The following PCDH11X variants were observed in gnomAD, a reference collection of about 807,000 sequenced individuals.
PCDH11X encodes the protein protocadherin-11 X-linked.
Under a neutral mutation model 53.3 loss-of-function variants are expected in PCDH11X, and 18 were observed. The observed-to-expected ratio is 0.34, with a 90% CI of 0.23 to 0.50. The LOEUF (loss-of-function observed/expected upper bound fraction) is 0.50, where lower values mean the gene tolerates loss of function less well. Ranked by LOEUF, PCDH11X falls within the 20% of genes least tolerant of loss-of-function variation. The pLI, the probability that PCDH11X is intolerant of heterozygous loss-of-function variation, is 0.98. For missense variants in PCDH11X, 570 were observed against 1,032.4 expected (o/e 0.55, Z 6.14); for synonymous variants, 279 against 393.3 (o/e 0.71, Z 3.44).
At chrX:92,247,261 G>A (rs2067368728) in intron 7 of PCDH11X, among the ~76,000 whole-genome samples, 1 of 111,552 alleles carries the variant, frequency 9.0e-6, no homozygotes, top group Non-Finnish European at 1.9e-5. Flanking sequence ...GCTATTTAAA[G>A]CCTGATACTT....
intron 6 of PCDH11X, among the ~76,000 whole-genome samples, chrX:91,988,417 T>G (rs2062260628): frequency 8.9e-6 from 1 of 112,572 alleles, no homozygotes; most frequent in African/African-American, 3.2e-5. Context: ...TCCTCTTTGC[T>G]GAGGGATATG....
At chrX:91,783,162 T>C (rs1333147420) in intron 1 of PCDH11X, among the ~76,000 whole-genome samples, 1 of 112,021 alleles carries the variant, frequency 8.9e-6, no homozygotes, top group African/African-American at 3.2e-5. Context: ...TCTTCTTCCC[T>C]TTGATGAAAA....
intron 8 of PCDH11X, among the ~76,000 whole-genome samples, chrX:92,306,844 G>A (rs2068843327): frequency 2.7e-5 from 3 of 111,324 alleles, no homozygotes; most frequent in Admixed American, 1.9e-4. Context: ...CAGCTACTCT[G>A]GAGGCTAAGG....
chrX:92,576,337 CT>C lies in PCDH11X; in HGVS notation c.3368-41916del, dbSNP rs748361936. 5.4e-3 allele frequency among the ~76,000 whole-genome samples: 391 copies of C among 72,702 alleles called. 3 individuals carry two copies. Among genetic ancestry groups the C allele is most frequent in the South Asian group, 0.015 (21 of 1,374 alleles). The allele number at this position is 72,702 out of a possible 115,157, so 63.1% of individuals were successfully genotyped here. A position where few individuals can be genotyped will look rare whatever the true frequency, so the allele number is the denominator to read the frequency against. On this transcript the variant is annotated intron_variant, in intron 10 of 10. Transcript: ENST00000682573. ...TCTTTTAGACAACAGATCAATGAGTCTTTTTTTTTTTCAATCCATTAAGCCA... is the reference window on the plus strand; with the variant it reads ...TCTTTTAGACAACAGATCAATGAGTCTTTTTTTTTTCAATCCATTAAGCCA...
At chrX:92,448,481 C>A (rs761184099) in intron 9 of PCDH11X, among the ~76,000 whole-genome samples, 39 of 87,568 alleles carry the variant, frequency 4.5e-4, no homozygotes, top group African/African-American at 1.5e-3. Context: ...TGCCTGCTGC[C>A]ATCCATGTAA....
intron 8 of PCDH11X, among the ~76,000 whole-genome samples, chrX:92,378,251 C>T (rs772946488): frequency 9.3e-6 from 1 of 107,348 alleles, no homozygotes; most frequent in African/African-American, 3.4e-5. Flanking sequence ...GGTAAGTTGT[C>T]TTGTTTAATG....
rs1386562826 is a variant in PCDH11X at position 92,577,908 on chromosome X, T to A, written c.3368-40356T>A. On this transcript the variant is annotated intron_variant, in intron 10 of 10. Coordinates refer to ENST00000682573, the MANE Select transcript of PCDH11X (RefSeq NM_032968.5). ...GTGCTGTGGTCTGAGAGATTGTTTA[T>A]TATAATTTCAGTTCCTTTGTACTTG... Among the ~76,000 whole-genome samples, 45 of 107,778 alleles carry A rather than the reference T, an allele frequency of 4.2e-4. 3 individuals carry two copies. The highest frequency in any genetic ancestry group is 1.7e-4 in the Non-Finnish European group (9 of 52,045). The allele number at this position is 107,778 out of a possible 115,157, so 93.6% of individuals were successfully genotyped here.
intron 4 of PCDH11X, among the ~76,000 whole-genome samples, chrX:91,826,051 A>C (rs754871065): frequency 9.0e-6 from 1 of 111,098 alleles, no homozygotes; most frequent in Non-Finnish European, 1.9e-5. Context: ...TCTAAAATTA[A>C]GTTTTCTCAC....
At chrX:91,819,530 A>C (rs1429755989) in intron 4 of PCDH11X, among the ~76,000 whole-genome samples, 1 of 109,737 alleles carries the variant, frequency 9.1e-6, no homozygotes, top group Non-Finnish European at 1.9e-5. Flanking sequence ...AATCACTCCG[A>C]TTATTTCTTG....
At chrX:91,918,933 T>C (rs2147816043) in intron 6 of PCDH11X, among the ~76,000 whole-genome samples, 1 of 111,597 alleles carries the variant, frequency 9.0e-6, no homozygotes, top group Admixed American at 9.5e-5. Context: ...GGGAAATGCA[T>C]GTACCATCAG....
intron 6 of PCDH11X, among the ~76,000 whole-genome samples, chrX:92,190,976 C>A (rs1208637496): frequency 8.9e-6 from 1 of 111,891 alleles, no homozygotes; most frequent in Non-Finnish European, 1.9e-5. Flanking sequence ...ATATGCAAAT[C>A]TTTCCCAATG....
At chrX:92,150,672 A>G (rs1397572388) in intron 6 of PCDH11X, among the ~76,000 whole-genome samples, 1 of 111,371 alleles carries the variant, frequency 9.0e-6, no homozygotes, top group East Asian at 2.8e-4. Context: ...ATCCATGAAC[A>G]TAGTATATAT....
Position 91,918,359 on chromosome X carries a change from G to A in PCDH11X, c.3033+39086G>A, listed in dbSNP as rs181536308. On this transcript the variant is annotated intron_variant, in intron 6 of 10. Coordinates refer to ENST00000682573, the MANE Select transcript of PCDH11X (RefSeq NM_032968.5). Reference sequence around the variant, plus strand: ...AGGAGATCAAGTATAAAAGTGTTGCGCATTTACTGAGTAATATTACAAGCA... The same window carrying A: ...AGGAGATCAAGTATAAAAGTGTTGCACATTTACTGAGTAATATTACAAGCA... 5.2e-3 allele frequency among the ~76,000 whole-genome samples: 558 copies of A among 107,889 alleles called. 4 individuals are homozygous for A. Among genetic ancestry groups the A allele is most frequent in the African/African-American group, 0.018 (525 of 29,882 alleles). The allele number at this position is 107,889 out of a possible 115,157, so 93.7% of individuals were successfully genotyped here. A position where few individuals can be genotyped will look rare whatever the true frequency, so the allele number is the denominator to read the frequency against.
intron 6 of PCDH11X, among the ~76,000 whole-genome samples, chrX:92,023,513 C>T (rs949527900): frequency 9.0e-6 from 1 of 110,540 alleles, no homozygotes; most frequent in African/African-American, 3.3e-5. Context: ...GAAATTGAGG[C>T]AGTAATTAAT....
At chrX:92,041,299 T>G (rs5984855) in intron 6 of PCDH11X, among the ~76,000 whole-genome samples, 24,963 of 107,716 alleles carry the variant, frequency 0.23, 2,916 homozygotes, top group African/African-American at 0.41. Context: ...TGACTACAAA[T>G]TATAAAACCT....
intron 8 of PCDH11X, among the ~76,000 whole-genome samples, chrX:92,359,544 G>A (rs924680168): frequency 3.6e-5 from 4 of 110,905 alleles, no homozygotes; most frequent in Non-Finnish European, 7.6e-5. Context: ...TGAATCAAAA[G>A]CCAGTGTTTT....
chrX:91,937,694 A>G (rs761411835), intron 6 of PCDH11X, among the ~76,000 whole-genome samples: 8 of 111,271 alleles, frequency 7.2e-5, no homozygotes, highest in African/African-American at 2.3e-4. Flanking sequence ...AAACATCATT[A>G]CACTGTTTCT....
At chrX:92,467,606 T>G (rs1336619580) in intron 9 of PCDH11X, among the ~76,000 whole-genome samples, 1 of 110,947 alleles carries the variant, frequency 9.0e-6, no homozygotes, top group Non-Finnish European at 1.9e-5. Context: ...TTGTTCCAGG[T>G]CAAGCATGAT....
At chrX:91,861,933 C>T (rs1459452456) in intron 5 of PCDH11X, among the ~76,000 whole-genome samples, 2 of 110,843 alleles carry the variant, frequency 1.8e-5, no homozygotes, top group African/African-American at 6.6e-5. Flanking sequence ...ACCTGGATAC[C>T]TTAGTTGATG....
Sources: gnomAD v4.1 joint callset for allele counts (sites outside exome capture counted in the v4.1 genomes callset) on GRCh38, gnomAD v4.1.1 for gene constraint, MANE v1.5 for transcripts, NCBI Gene and HGNC (gene_info 2026-07-23, HGNC 2026-07-21) for gene names.